Variants in PACS1 observed in about 807,000 individuals in gnomAD.
PACS1 encodes phosphofurin acidic cluster sorting protein 1.
PACS1 carries 24 observed loss-of-function variants against 115.0 expected under a neutral mutation model. That is an observed-to-expected ratio of 0.21 (90% CI 0.15 to 0.29). The LOEUF (loss-of-function observed/expected upper bound fraction) is 0.29, where lower values mean the gene tolerates loss of function less well. Ranked by LOEUF, PACS1 falls within the 10% of genes least tolerant of loss-of-function variation. The probability of loss-of-function intolerance (pLI) is 1.00; values close to 1 mark genes in which losing one functional copy is unlikely to be tolerated. For synonymous variants in PACS1, 453 were observed against 504.5 expected, an observed-to-expected ratio of 0.90 and a Z score of 1.37; for missense variants, 838 against 1,251.2, an observed-to-expected ratio of 0.67 and a Z score of 4.98.
At chr11:66,116,620 C>T (rs1858311220) in intron 1 of PACS1, among the ~76,000 whole-genome samples, 1 of 152,190 alleles carries the variant, frequency 6.6e-6, no homozygotes, top group African/African-American at 2.4e-5. Context: ...TAGCTGGGCA[C>T]AGTGGCTCAC....
At chr11:66,215,899 C>CAAAAAAAAA (rs1162126580) in intron 4 of PACS1, among the ~76,000 whole-genome samples, 9 of 116,926 alleles carry the variant, frequency 7.7e-5, no homozygotes, top group African/African-American at 2.9e-4. Context: ...GACTCCGTCT[C>CAAAAAAAAA]AAAAATAATA....
In PACS1 at chr11:66,218,887, C is replaced by T. The variant is rs60958596; in HGVS notation, c.979-859C>T. ...AAAAAAAAAAAAAGGCCCAGTACAACAGCATGCAGTTTTTCCCAGGAACTC... is the reference window on the plus strand; with the variant it reads ...AAAAAAAAAAAAAGGCCCAGTACAATAGCATGCAGTTTTTCCCAGGAACTC... On this transcript the variant is annotated intron_variant, in intron 7 of 23. Coordinates refer to ENST00000320580, the MANE Select transcript of PACS1 (RefSeq NM_018026.4). Among the ~76,000 whole-genome samples, 1,277 of 150,284 alleles carry T rather than the reference C, an allele frequency of 8.5e-3. 16 individuals are homozygous for T. The highest frequency in any genetic ancestry group is 0.029 in the African/African-American group (1,200 of 41,022).
chr11:66,091,502 TG>T (rs200235863), intron 1 of PACS1, among the ~76,000 whole-genome samples: 26 of 151,012 alleles, frequency 1.7e-4, no homozygotes, highest in Non-Finnish European at 3.0e-4. Flanking sequence ...TTGTTGTTGT[TG>T]TTTTTTTTCT....
At chr11:66,196,359 G>A (rs560676752) in intron 2 of PACS1, among the ~76,000 whole-genome samples, 18 of 152,362 alleles carry the variant, frequency 1.2e-4, no homozygotes, top group Admixed American at 9.8e-4. Flanking sequence ...TGTACACTGA[G>A]CACTTCTGCC....
chr11:66,181,184 CT>C (rs59452516), intron 1 of PACS1, among the ~76,000 whole-genome samples: 5,999 of 145,638 alleles, frequency 0.041, 346 homozygotes, highest in African/African-American at 0.13. Flanking sequence ...TTTTCTGTTG[CT>C]TTTTTTTTTA....
Position 66,174,734 on chromosome 11 carries a change from G to A in PACS1, c.357-18752G>A, listed in dbSNP as rs546289043. 7.9e-5 allele frequency among the ~76,000 whole-genome samples: 12 copies of A among 152,268 alleles called. No homozygotes were observed. In the South Asian group the frequency reaches 2.5e-3, roughly 32 times the overall value. On this transcript the variant is annotated intron_variant, in intron 1 of 23. Coordinates refer to ENST00000320580, the MANE Select transcript of PACS1 (RefSeq NM_018026.4). The stretch of plus-strand genomic sequence containing the variant: ...CTTCCTGGGAGGGAATGGAAATAGG[G>A]ATTAACTATAAATGGGCACAAGGGG...
At chr11:66,087,833 A>G (rs1857598890) in intron 1 of PACS1, among the ~76,000 whole-genome samples, 1 of 152,064 alleles carries the variant, frequency 6.6e-6, no homozygotes. Flanking sequence ...GGGTATATGG[A>G]CAGTATATTC....
At chr11:66,136,185 T>C (rs1158749219) in intron 1 of PACS1, among the ~76,000 whole-genome samples, 3 of 152,104 alleles carry the variant, frequency 2.0e-5, no homozygotes, top group Admixed American at 1.3e-4. Flanking sequence ...ATTCACTCTC[T>C]TTCAAAATTG....
At chr11:66,110,085 A>G (rs1205239901) in intron 1 of PACS1, among the ~76,000 whole-genome samples, 1 of 152,106 alleles carries the variant, frequency 6.6e-6, no homozygotes, top group Non-Finnish European at 1.5e-5. Context: ...TTTACTTTAA[A>G]CGGATCTGGT....
At chr11:66,157,065 C>T (rs1206832238) in intron 1 of PACS1, among the ~76,000 whole-genome samples, 3 of 151,968 alleles carry the variant, frequency 2.0e-5, no homozygotes, top group Admixed American at 2.0e-4. Flanking sequence ...ATTTTGTCTC[C>T]CCTCAATTAC....
At chr11:66,213,095 C>G (rs1019985219) in intron 4 of PACS1, among the ~76,000 whole-genome samples, 3 of 151,976 alleles carry the variant, frequency 2.0e-5, no homozygotes. Context: ...TCAAGTGATC[C>G]GCTGCTTTGG....
At chr11:66,242,838 ACAGTC>A in intron 22 of PACS1, 69 bp from the exon 23 acceptor site, 1 of 1,597,002 alleles carries the variant, frequency 6.3e-7, no homozygotes, top group Non-Finnish European at 8.6e-7. Flanking sequence ...GAAGAAGGGG[ACAGTC>A]GGCTGGGGAG....
chr11:66,072,284 A>G lies in PACS1; in HGVS notation c.356+1442A>G, dbSNP rs530671959. Among the ~76,000 whole-genome samples the G allele has an allele frequency of 3.3e-5, 5 of 152,256 alleles. No individual in the cohort carries two copies. The South Asian group carries it at 1.0e-3, about 32-fold the overall frequency. On this transcript the variant is annotated intron_variant, in intron 1 of 23. Transcript: ENST00000320580. Reference sequence around the variant, plus strand: ...GTAGTATTCTGTTGTGTGAATGAATATACCGTAATTCTCTTGAATATGTAG... The same window carrying G: ...GTAGTATTCTGTTGTGTGAATGAATGTACCGTAATTCTCTTGAATATGTAG...
At chr11:66,087,082 C>T (rs117467952) in intron 1 of PACS1, among the ~76,000 whole-genome samples, 9,431 of 152,152 alleles carry the variant, frequency 0.062, 453 homozygotes, top group Non-Finnish European at 0.087. Context: ...CAAGAAACAA[C>T]ATTACCAACG....
At chr11:66,167,482 G>A (rs1202933718) in intron 1 of PACS1, among the ~76,000 whole-genome samples, 1 of 149,504 alleles carries the variant, frequency 6.7e-6, no homozygotes, top group Non-Finnish European at 1.5e-5. Flanking sequence ...TTACAGGCAT[G>A]AGCTACCACA....
intron 1 of PACS1, among the ~76,000 whole-genome samples, chr11:66,139,667 C>T (rs1858934437): frequency 6.6e-6 from 1 of 152,092 alleles, no homozygotes; most frequent in Admixed American, 6.6e-5. Flanking sequence ...ATGTTTCATC[C>T]ATCCATCCAA....
At chr11:66,211,439 T>G (rs1855067450) in intron 4 of PACS1, among the ~76,000 whole-genome samples, 180 bp downstream of exon 4, 1 of 152,238 alleles carries the variant, frequency 6.6e-6, no homozygotes, top group East Asian at 1.9e-4. Context: ...TATCAAATAC[T>G]GTCTCCTTCA....
At chr11:66,180,512 G>A (rs1334110830) in intron 1 of PACS1, among the ~76,000 whole-genome samples, 1 of 151,560 alleles carries the variant, frequency 6.6e-6, no homozygotes, top group Non-Finnish European at 1.5e-5. Context: ...GCACCACCAC[G>A]CCTAGCTAAT....
At chr11:66,102,304 C>CTAT (rs546729593) in intron 1 of PACS1, among the ~76,000 whole-genome samples, 218 of 150,504 alleles carry the variant, frequency 1.4e-3, no homozygotes, top group East Asian at 6.4e-3. Flanking sequence ...ATCGGATTTA[C>CTAT]TATTATTATT....
Sources: gnomAD v4.1 joint callset for allele counts (sites outside exome capture counted in the v4.1 genomes callset) on GRCh38, gnomAD v4.1.1 for gene constraint, MANE v1.5 for transcripts, NCBI Gene and HGNC (gene_info 2026-07-23, HGNC 2026-07-21) for gene names.